KIF6: variants seen among roughly 807,000 people sequenced by gnomAD.
The protein encoded by KIF6 is kinesin family member 6.
In KIF6, 106 loss-of-function variants were observed where a neutral mutation model predicts 112.7. That is an observed-to-expected ratio of 0.94 (90% confidence interval 0.80 to 1.11). The LOEUF is 1.11. Among genes scored for constraint, KIF6 ranks in the 50% least tolerant of loss-of-function variants. The pLI is 0.00. For synonymous variants in KIF6, 339 were observed against 339.9 expected, an observed-to-expected ratio of 1.00 and a Z score of 0.03; for missense variants, 929 against 964.0, an observed-to-expected ratio of 0.96 and a Z score of 0.48.
At chr6:39,632,145 G>T (rs1043427981) in intron 5 of KIF6, among the ~76,000 whole-genome samples, 4 of 151,332 alleles carry the variant, frequency 2.6e-5, no homozygotes, top group African/African-American at 7.3e-5. Flanking sequence ...CAAAAGTTCT[G>T]CAAGAGCAGG....
chr6:39,474,400 A>G (rs1005328423), intron 13 of KIF6, among the ~76,000 whole-genome samples: 6 of 152,200 alleles, frequency 3.9e-5, no homozygotes, highest in African/African-American at 1.2e-4. Flanking sequence ...GGGTTAACAT[A>G]TTTATTCTCA....
At chr6:39,338,331 T>C (rs1763141381) in intron 22 of KIF6, among the ~76,000 whole-genome samples, 1 of 152,206 alleles carries the variant, frequency 6.6e-6, no homozygotes, top group South Asian at 2.1e-4. Context: ...AGGGTAATTC[T>C]TGGTGATACA....
intron 12 of KIF6, among the ~76,000 whole-genome samples, chr6:39,542,419 T>G (rs975940170): frequency 6.6e-6 from 1 of 152,204 alleles, no homozygotes; most frequent in Admixed American, 6.5e-5. Flanking sequence ...ATTTTCAGTC[T>G]CTTTCCAAGA....
rs566029372 is a variant in KIF6, at chr6:39,720,687, G to A, written c.176+15C>T. On this transcript the variant is annotated intron_variant, in intron 2 of 22. Transcript: ENST00000287152. ...TAATGAAACAGAAATGAAAAAAGGA[G>A]AAAGAAAAACTTACTTAAATTTGTA... The A allele has an allele frequency of 3.8e-6, 5 of 1,320,794 alleles. No individual in the cohort carries two copies. Among genetic ancestry groups the A allele is most frequent in the South Asian group, 3.5e-5 (3 of 84,678 alleles). 81.8% of individuals were successfully genotyped at this position (1,320,794 alleles called of 1,614,324 possible).
intron 3 of KIF6, among the ~76,000 whole-genome samples, chr6:39,704,192 C>T (rs1789046863): frequency 6.6e-6 from 1 of 152,146 alleles, no homozygotes; most frequent in Non-Finnish European, 1.5e-5. Context: ...ATAGCTAATA[C>T]TCATTGAGCA....
At chr6:39,539,879 A>G (rs1778689218) in intron 13 of KIF6, 124 bp downstream of exon 13, 1 of 711,032 alleles carries the variant, frequency 1.4e-6, no homozygotes, top group East Asian at 2.6e-5. Flanking sequence ...AAGATAATTG[A>G]TAGTTATAAA....
chr6:39,369,716 C>A (rs1450671530), intron 16 of KIF6, among the ~76,000 whole-genome samples: 1 of 152,134 alleles, frequency 6.6e-6, no homozygotes, highest in South Asian at 2.1e-4. Flanking sequence ...GGTCAGTCGG[C>A]AATATAAAGG....
chr6:39,584,030 T>A (rs1183673575), intron 9 of KIF6, among the ~76,000 whole-genome samples: 1 of 152,140 alleles, frequency 6.6e-6, no homozygotes, highest in Non-Finnish European at 1.5e-5. Flanking sequence ...TAATGAATTT[T>A]AAAAAACTCT....
At chr6:39,581,262 G>A (rs1326992932) in intron 9 of KIF6, among the ~76,000 whole-genome samples, 1 of 149,678 alleles carries the variant, frequency 6.7e-6, no homozygotes, top group African/African-American at 2.5e-5. Flanking sequence ...CCGCATTCCA[G>A]GTTCAAGCGA....
Position 39,540,186 on chromosome 6 carries a change from T to G in KIF6, c.1462A>C (p.Lys488Gln). 6.2e-7 allele frequency: 1 copy of G among 1,612,080 alleles called. No homozygotes were observed. Among genetic ancestry groups the G allele is most frequent in the African/African-American group, 1.3e-5 (1 of 74,780 alleles). The change falls in exon 13 of 23, where the codon AAA becomes CAA. Residue 488 changes from lysine to glutamine, a missense_variant. Physicochemically the swap from Lys to Gln is moderately conservative, Grantham distance 53. Transcript: ENST00000287152. ...GCCAAGTGGAGAGCCTCCTGAGCTT[T>G]CTTCTTTTCTTTTTTTAACATGTTG... is the stretch of plus-strand genomic sequence containing the variant. ...LVNMLKKEKK[K>Q]AQEALHLAGM... is the part of the protein sequence containing the mutation.
chr6:39,663,005 C>T (rs1004911780), intron 3 of KIF6, among the ~76,000 whole-genome samples: 1 of 151,960 alleles, frequency 6.6e-6, no homozygotes, highest in Non-Finnish European at 1.5e-5. Context: ...ATTGATCCTC[C>T]CACTTCAGCC....
At chr6:39,391,340 G>A (rs1349081966) in intron 15 of KIF6, among the ~76,000 whole-genome samples, 4 of 152,158 alleles carry the variant, frequency 2.6e-5, no homozygotes, top group Non-Finnish European at 5.9e-5. Context: ...TTGAAGTGAG[G>A]CTCCCTACCA....
intron 3 of KIF6, among the ~76,000 whole-genome samples, chr6:39,660,542 A>G (rs1376269132): frequency 6.6e-6 from 1 of 152,222 alleles, no homozygotes; most frequent in South Asian, 2.1e-4. Context: ...AATCTTGTCA[A>G]TGAAGCTTTC....
chr6:39,624,127 A>G (rs1483854422), intron 5 of KIF6, among the ~76,000 whole-genome samples: 2 of 152,178 alleles, frequency 1.3e-5, no homozygotes, highest in Non-Finnish European at 1.5e-5. Context: ...AATCATGTGT[A>G]TGCTCTTTTC....
chr6:39,446,558 A>G (rs1562224399), intron 13 of KIF6, among the ~76,000 whole-genome samples: 2 of 151,996 alleles, frequency 1.3e-5, no homozygotes, highest in South Asian at 2.1e-4. Context: ...CAATGGTGTG[A>G]TCTTGGCTCA....
chr6:39,716,783 G>A (rs1399289267), intron 2 of KIF6, among the ~76,000 whole-genome samples: 2 of 152,110 alleles, frequency 1.3e-5, no homozygotes, highest in African/African-American at 4.8e-5. Context: ...TTCAAACTCA[G>A]CATATGCTGA....
chr6:39,546,885 C>T (rs1417779880), intron 10 of KIF6, among the ~76,000 whole-genome samples: 1 of 150,700 alleles, frequency 6.6e-6, no homozygotes, highest in Non-Finnish European at 1.5e-5. Context: ...ATGTAGCATT[C>T]TAGTACTTTG....
intron 15 of KIF6, among the ~76,000 whole-genome samples, chr6:39,389,757 A>G (rs1767716253): frequency 6.6e-6 from 1 of 152,184 alleles, no homozygotes; most frequent in African/African-American, 2.4e-5. Context: ...TGGGCCAGGC[A>G]TGGTGGTTCA....
rs1766590511 is a variant in KIF6, at chr6:39,378,044, C to T, written c.1861+7578G>A. 6.6e-6 allele frequency among the ~76,000 whole-genome samples: 1 copy of T among 152,136 alleles called. No homozygotes were observed. The highest frequency in any genetic ancestry group is 2.1e-4 in the South Asian group (1 of 4,824). ...ATTTTCTTTTTTTAATTAATACTAT[C>T]AGTATAACTATCTTCTATAACAGTA... On this transcript the variant is annotated intron_variant, in intron 16 of 22. Transcript: ENST00000287152. This position sits in a 1 kb window ranked among gnomAD's most constrained non-coding sequence, Gnocchi z 5.0.
Sources: allele counts gnomAD v4.1 joint callset (sites outside exome capture counted in the v4.1 genomes callset), GRCh38; gene constraint gnomAD v4.1.1; non-coding constraint Gnocchi (gnomAD v3.1); transcripts MANE v1.5; gene names NCBI Gene and HGNC (gene_info 2026-07-23, HGNC 2026-07-21).